Variants in SNORC observed in about 807,000 individuals in gnomAD.
SNORC encodes the protein protein SNORC.
In SNORC, 11 loss-of-function variants were observed where a neutral mutation model predicts 9.7. That is an observed-to-expected ratio of 1.14 (90% CI 0.72 to 1.88). The LOEUF is 1.88. Among genes scored for constraint, SNORC ranks in the 40% most tolerant of loss-of-function variants. SNORC has a pLI of 0.00. For synonymous variants in SNORC, 108 were observed against 88.7 expected (o/e 1.22, Z -1.22); for missense variants, 197 against 173.1 (o/e 1.14, Z -0.77).
In SNORC at chr2:232,876,187, C is replaced by A; in HGVS notation, c.257-60C>A. The stretch of plus-strand genomic sequence containing the variant: ...TAGGAGGGGCGGGGGGCGGGGGGCG[C>A]GGGGAGAAGGGCCGGCCAGGCGGGG... On this transcript the variant is annotated intron_variant, in intron 2 of 2. Transcript: ENST00000331342. The surrounding 1 kb of genome is among the most constrained non-coding windows in gnomAD (Gnocchi z 6.8). 1 of 733,394 alleles carries A rather than the reference C, an allele frequency of 1.4e-6. No homozygotes were observed. The highest frequency in any genetic ancestry group is 1.9e-6 in the Non-Finnish European group (1 of 528,952). The allele number at this position is 733,394 out of a possible 1,614,324, so 45.4% of individuals were successfully genotyped here.
downstream of SNORC, chr2:232,877,933 C>CCAA (rs1691337856): frequency 2.0e-5 from 3 of 152,328 alleles, no homozygotes. Context: ...CAATGGCCAC[C>CCAA]CAACTCCTTC....
downstream of SNORC, chr2:232,876,550 G>C: frequency 8.4e-7 from 1 of 1,184,900 alleles, no homozygotes. This position sits in a 1 kb window ranked among gnomAD's most constrained non-coding sequence, Gnocchi z 6.8. Flanking sequence ...AGGCGCGCCC[G>C]AATTCCCCGC....
chr2:232,871,017 C>A (rs1426018968), intron 1 of SNORC, among the ~76,000 whole-genome samples: 1 of 152,290 alleles, frequency 6.6e-6, no homozygotes, highest in South Asian at 2.1e-4. Context: ...CCCAAGGGCC[C>A]TGTGGAGAGG....
chr2:232,873,986 G>T (rs902083511), intron 1 of SNORC, among the ~76,000 whole-genome samples: 3 of 152,352 alleles, frequency 2.0e-5, no homozygotes, highest in East Asian at 3.9e-4. Flanking sequence ...CTGGAAAGGG[G>T]TTCTGCCTTG....
upstream of SNORC, chr2:232,870,272 C>G (rs1272474360): frequency 1.4e-6 from 2 of 1,405,622 alleles, no homozygotes; most frequent in Non-Finnish European, 2.0e-6. Context: ...GCCTCTTTCT[C>G]ACTGCCCTGA....
chr2:232,877,948 C>T (rs149855861), downstream of SNORC: 1 of 152,338 alleles, frequency 6.6e-6, no homozygotes, highest in Non-Finnish European at 1.5e-5. Flanking sequence ...TCCTTCCCAA[C>T]CCTCCCCTCC....
upstream of SNORC, chr2:232,869,778 A>G (rs947450508): frequency 1.2e-5 from 2 of 161,768 alleles, no homozygotes; most frequent in African/African-American, 4.8e-5. Flanking sequence ...CTTCTTCAAC[A>G]AGCACTGAGC....
At position 232,870,304 on chromosome 2, in the gene SNORC, G is replaced by A. The variant is rs1301737865; in HGVS notation, c.-38G>A. 10 of 1,543,144 alleles carry A rather than the reference G, an allele frequency of 6.5e-6. No homozygotes were observed. The highest frequency in any genetic ancestry group is 2.1e-4 in the Middle Eastern group (1 of 4,844). On this transcript the variant is annotated 5_prime_UTR_variant, in exon 1 of 3. The change creates a new upstream start codon in the 5' untranslated region. Coordinates refer to ENST00000331342, the Ensembl canonical transcript of SNORC. The stretch of plus-strand genomic sequence containing the variant: ...CTGAAGTTAACCAGCGCAGTCCTCC[G>A]TGCGTCCCGCCCGCCGCTGCCCTCA...
chr2:232,869,662 T>A (rs1441356012), upstream of SNORC: 1 of 152,832 alleles, frequency 6.5e-6, no homozygotes, highest in African/African-American at 2.4e-5. Flanking sequence ...ATGGATGTCA[T>A]AAGTGCACAG....
chr2:232,875,839 TCA>T (rs1691207800), intron 1 of SNORC, 99 bp from the exon 2 acceptor site: 2 of 1,269,856 alleles, frequency 1.6e-6, no homozygotes, highest in South Asian at 1.5e-5. Flanking sequence ...CCCAGACCCC[TCA>T]CACAGCGCTA....
At chr2:232,875,812 G>A in intron 1 of SNORC, 128 bp from the exon 2 acceptor site, 1 of 972,676 alleles carries the variant, frequency 1.0e-6, no homozygotes, top group Non-Finnish European at 1.5e-6. Flanking sequence ...AAATGTGAGG[G>A]CTAGTGCAGC....
chr2:232,876,633 G>T, downstream of SNORC: 1 of 1,039,746 alleles, frequency 9.6e-7, no homozygotes, highest in Non-Finnish European at 1.2e-6. The surrounding 1 kb of genome is among the most constrained non-coding windows in gnomAD (Gnocchi z 6.8). Flanking sequence ...CTGAGCGCGC[G>T]CAGGGCCGCG....
chr2:232,874,351 AG>A (rs1364777487), intron 1 of SNORC, among the ~76,000 whole-genome samples: 1 of 152,232 alleles, frequency 6.6e-6, no homozygotes, highest in Non-Finnish European at 1.5e-5. Context: ...TATCAAAACC[AG>A]GAAGTGAGCA....
chr2:232,870,230 G>A, upstream of SNORC: 1 of 955,008 alleles, frequency 1.0e-6, no homozygotes. Context: ...GACAGAGTTT[G>A]CATTGATGAA....
downstream of SNORC, chr2:232,876,612 G>A (rs1192271299): frequency 2.1e-4 from 226 of 1,080,602 alleles, no homozygotes; most frequent in Non-Finnish European, 2.4e-4. The surrounding 1 kb of genome is among the most constrained non-coding windows in gnomAD (Gnocchi z 6.8). Context: ...CCGCCTGCGT[G>A]TGGCGTGCAC....
intron 1 of SNORC, among the ~76,000 whole-genome samples, chr2:232,872,193 G>A (rs1691052434): frequency 6.6e-6 from 1 of 152,174 alleles, no homozygotes; most frequent in African/African-American, 2.4e-5. Context: ...GTGGGCTGGG[G>A]TCCTGTAGCA....
Position 232,876,142 on chromosome 2 carries a change from G to GGGAGGGGAGAGGGAGAAATTA in SNORC, c.256+28_256+48dup. 6.8e-7 allele frequency: 1 copy of GGGAGGGGAGAGGGAGAAATTA among 1,481,060 alleles called. No individual in the cohort carries two copies. The highest frequency in any genetic ancestry group is 8.9e-7 in the Non-Finnish European group (1 of 1,122,230). 91.7% of individuals were successfully genotyped at this position (1,481,060 alleles called of 1,614,324 possible). A position where few individuals can be genotyped will look rare whatever the true frequency, so the allele number is the denominator to read the frequency against. On this transcript the variant is annotated intron_variant, in intron 2 of 2. Coordinates refer to ENST00000331342, the Ensembl canonical transcript of SNORC. This position sits in a 1 kb window ranked among gnomAD's most constrained non-coding sequence, Gnocchi z 6.8. ...GCGGCGGTACGGGCGGGGCGGGGGA[G>GGGAGGGGAGAGGGAGAAATTA]GGAGGGGAGAGGGAGAAATTAGGAG...
intron 1 of SNORC, among the ~76,000 whole-genome samples, chr2:232,875,232 C>T (rs113504070): frequency 0.019 from 2,863 of 152,264 alleles, 81 homozygotes; most frequent in African/African-American, 0.065. Context: ...CCAGCTACTC[C>T]GCAGGCTGAG....
intron 1 of SNORC, among the ~76,000 whole-genome samples, chr2:232,871,349 G>A (rs1344333257): frequency 1.3e-5 from 2 of 152,116 alleles, no homozygotes; most frequent in South Asian, 2.1e-4. Flanking sequence ...CTCCCTGGAC[G>A]CCCAGGAAGA....
Sources: allele counts gnomAD v4.1 joint callset (sites outside exome capture counted in the v4.1 genomes callset), GRCh38; gene constraint gnomAD v4.1.1; non-coding constraint Gnocchi (gnomAD v3.1); transcripts MANE v1.5; gene names NCBI Gene and HGNC (gene_info 2026-07-23, HGNC 2026-07-21).